The following GAK variants were observed in gnomAD, a reference collection of about 807,000 sequenced individuals.
The protein encoded by GAK is cyclin G associated kinase.
A neutral mutation model predicts 143.9 loss-of-function variants in GAK; 79 were observed. The ratio of observed to expected loss-of-function variants is 0.55; its 90% CI spans 0.46 to 0.66. The LOEUF (loss-of-function observed/expected upper bound fraction) is 0.66, where lower values mean the gene tolerates loss of function less well. GAK is among the 30% of genes least tolerant of loss of function. The probability of loss-of-function intolerance (pLI) is 0.00; values close to 1 mark genes in which losing one functional copy is unlikely to be tolerated. For synonymous variants in GAK, 881 were observed against 765.5 expected, an observed-to-expected ratio of 1.15 and a Z score of -2.49; for missense variants, 1,693 against 1,779.7, an observed-to-expected ratio of 0.95 and a Z score of 0.88.
intron 1 of GAK, among the ~76,000 whole-genome samples, chr4:926,006 C>A (rs924212648): frequency 2.6e-5 from 4 of 152,142 alleles, no homozygotes; most frequent in African/African-American, 4.8e-5. Context: ...GGTGAGCCCA[C>A]CCGGGGGTCG....
chr4:925,461 C>G (rs1724566570), intron 1 of GAK, among the ~76,000 whole-genome samples: 1 of 152,280 alleles, frequency 6.6e-6, no homozygotes, highest in Admixed American at 6.5e-5. Flanking sequence ...ATCTGAGTAT[C>G]TTTTTTAATC....
At chr4:851,334 G>C (rs563060160) in intron 25 of GAK, 88 of 448,540 alleles carry the variant, frequency 2.0e-4, no homozygotes, top group Non-Finnish European at 3.2e-4. Context: ...GGGCTCCAGC[G>C]ATCTGTCCGC....
chr4:905,159 G>T (rs113719568), intron 4 of GAK, among the ~76,000 whole-genome samples: 2 of 152,166 alleles, frequency 1.3e-5, no homozygotes, highest in Non-Finnish European at 2.9e-5. Context: ...AAACCTCTAG[G>T]GGGTATTTGG....
intron 24 of GAK, among the ~76,000 whole-genome samples, chr4:858,444 C>T (rs1360241388): frequency 2.6e-5 from 4 of 152,104 alleles, no homozygotes; most frequent in African/African-American, 7.2e-5. Flanking sequence ...GCCCCAGTGC[C>T]GGCTGCCCAG....
At chr4:861,728 C>T (rs545041623) in intron 23 of GAK, among the ~76,000 whole-genome samples, 1 of 152,214 alleles carries the variant, frequency 6.6e-6, no homozygotes, top group East Asian at 1.9e-4. Flanking sequence ...CACAAACCAG[C>T]CCTATTGCTG....
chr4:868,283 C>A (rs966467256), intron 20 of GAK, among the ~76,000 whole-genome samples: 9 of 152,336 alleles, frequency 5.9e-5, no homozygotes, highest in African/African-American at 2.2e-4. Flanking sequence ...GGCCCACAGA[C>A]TGGGATGAAG....
rs1202625982 is a variant in GAK at position 867,443 on chromosome 4, G to C, written c.2396-11C>G. 1.3e-6 allele frequency: 2 copies of C among 1,512,604 alleles called. No homozygotes were observed. The highest frequency in any genetic ancestry group is 2.7e-5 in the South Asian group (2 of 75,308). 93.7% of individuals were successfully genotyped at this position (1,512,604 alleles called of 1,614,324 possible). ...CTGCCTCCTTCTCTTCTGCGAAAAG[G>C]AAACAAAACCACAGGCTAGTGAGAC... is the stretch of plus-strand genomic sequence containing the variant. On this transcript the variant is annotated splice_polypyrimidine_tract_variant and intron_variant, in intron 20 of 27. Transcript: ENST00000314167.
Position 876,383 on chromosome 4 carries a change from G to A in GAK, c.2054+147C>T, listed in dbSNP as rs545382516. The A allele has an allele frequency of 1.9e-5, 13 of 678,874 alleles. No homozygotes were observed. The East Asian group carries it at 3.5e-4, about 18-fold the overall frequency. The allele number at this position is 678,874 out of a possible 1,614,324, so 42.1% of individuals were successfully genotyped here. ...AGCAGCCTACACACGCGCAGCTCCAGGATGGCCCAGGAACAGGCCCAGAGC... is the reference window on the plus strand; with the variant it reads ...AGCAGCCTACACACGCGCAGCTCCAAGATGGCCCAGGAACAGGCCCAGAGC... On this transcript the variant is annotated intron_variant, in intron 18 of 27. Coordinates refer to ENST00000314167, the MANE Select transcript of GAK (RefSeq NM_005255.4).
chr4:869,216 T>TACACATGAATACACACAGC (rs1711808743), intron 19 of GAK: 1 of 61,292 alleles, frequency 1.6e-5, no homozygotes, highest in Non-Finnish European at 3.3e-5. Context: ...AGATGCATGG[T>TACACATGAATACACACAGC]ACACACGGAT....
chr4:889,007 TCGG>T (rs767662081), intron 10 of GAK, 37 bp from the exon 11 acceptor site: 2 of 1,592,024 alleles, frequency 1.3e-6, no homozygotes, highest in Admixed American at 1.7e-5. Flanking sequence ...CCCCAGGTGC[TCGG>T]TCCCACCTCC....
intron 23 of GAK, among the ~76,000 whole-genome samples, chr4:861,778 C>A (rs1750321822): frequency 6.6e-6 from 1 of 152,182 alleles, no homozygotes. Context: ...GAAGGTCGGA[C>A]CAGCCCCACT....
intron 5 of GAK, among the ~76,000 whole-genome samples, chr4:901,257 C>G (rs3755962): frequency 0.035 from 5,278 of 152,242 alleles, 186 homozygotes; most frequent in East Asian, 0.18. Flanking sequence ...TAGGCACCCC[C>G]ACCCAGGGCA....
intron 10 of GAK, 52 bp downstream of exon 10, chr4:890,480 G>C: frequency 7.1e-7 from 1 of 1,400,170 alleles, no homozygotes; most frequent in Non-Finnish European, 9.8e-7. Context: ...GCGGGTGCCC[G>C]GGGTGCAGCA....
rs1488326740 is a variant in GAK, at chr4:866,497, G to A, written c.2910C>T (p.Asn970=). 9 of 1,613,932 alleles carry A rather than the reference G, an allele frequency of 5.6e-6. No individual in the cohort carries two copies. Among genetic ancestry groups the A allele is most frequent in the East Asian group, 2.2e-5 (1 of 44,890 alleles). ...CAGGATTGGAGCAGGGCTGGGAGTTGTTGCCTGAAGACGGCAGAAGCGGGC... is the reference window on the plus strand; with the variant it reads ...CAGGATTGGAGCAGGGCTGGGAGTTATTGCCTGAAGACGGCAGAAGCGGGC... ...PFGPLLPSSG[N]NSQPCSNPDL... The change falls in exon 22 of 28, where the codon AAC becomes AAT. Residue 970 remains asparagine (N), a synonymous_variant. Coordinates refer to ENST00000314167, the MANE Select transcript of GAK (RefSeq NM_005255.4).
chr4:880,211 C>A (rs1714813525), intron 15 of GAK, among the ~76,000 whole-genome samples: 1 of 149,946 alleles, frequency 6.7e-6, no homozygotes, highest in South Asian at 2.1e-4. Context: ...CTGACGAACG[C>A]CCCACTGGAC....
intron 24 of GAK, chr4:859,262 C>T (rs1749835319): frequency 8.1e-7 from 1 of 1,227,500 alleles, no homozygotes; most frequent in African/African-American, 1.5e-5. Flanking sequence ...CCGAGCACAG[C>T]CTCGGGGACT....
intron 26 of GAK, 43 bp downstream of exon 26, chr4:850,893 T>G (rs1577019890): frequency 6.3e-7 from 1 of 1,595,648 alleles, no homozygotes; most frequent in Non-Finnish European, 8.5e-7. Flanking sequence ...GGGCCATGGG[T>G]TGAGGCCTCT....
chr4:864,681 C>T (rs925753874), intron 23 of GAK, among the ~76,000 whole-genome samples: 1 of 152,120 alleles, frequency 6.6e-6, no homozygotes, highest in East Asian at 1.9e-4. Flanking sequence ...CCTGACAGGG[C>T]ATGGGGCATC....
At position 881,918 on chromosome 4, in the gene GAK, T is replaced by C. The variant is rs749135523; in HGVS notation, c.1650A>G (p.Pro550=). 2 of 1,589,364 alleles carry C rather than the reference T, an allele frequency of 1.3e-6. No individual in the cohort carries two copies. Among genetic ancestry groups the C allele is most frequent in the Non-Finnish European group, 1.7e-6 (2 of 1,167,630 alleles). ...GGGCCACGCAGTACCTTTTGTGGGA[T>C]GGCCAGATGCCTGGTGGGCAGCGCT... The part of the protein sequence containing the change: ...SMKRCPPGIW[P]SHKRYIEYMC... Residue 550 remains proline, a synonymous_variant, in exon 15 of 28, where the codon CCA becomes CCG. Coordinates refer to ENST00000314167, the MANE Select transcript of GAK (RefSeq NM_005255.4).
Sources: allele counts gnomAD v4.1 joint callset (sites outside exome capture counted in the v4.1 genomes callset), GRCh38; gene constraint gnomAD v4.1.1; transcripts MANE v1.5; gene names NCBI Gene and HGNC (gene_info 2026-07-23, HGNC 2026-07-21).